Variants in HMBOX1 observed in about 807,000 individuals in gnomAD.
HMBOX1 encodes homeobox-containing protein 1.
In HMBOX1, 14 loss-of-function variants were observed where a neutral mutation model predicts 54.5. The ratio of observed to expected loss-of-function variants is 0.26; its 90% confidence interval spans 0.17 to 0.40. The LOEUF is 0.40. Ranked by LOEUF, HMBOX1 falls within the 10% of genes least tolerant of loss-of-function variation. HMBOX1 has a pLI of 1.00. For synonymous variants in HMBOX1, 160 were observed against 181.0 expected (o/e 0.88, Z 0.93); for missense variants, 332 against 514.4 (o/e 0.65, Z 3.43).
Position 28,995,586 on chromosome 8 carries a change from A to G in HMBOX1, c.587-13486A>G, listed in dbSNP as rs887953568. Among the ~76,000 whole-genome samples, 22 of 152,160 alleles carry G rather than the reference A, an allele frequency of 1.4e-4. 1 individual carries two copies. The highest frequency in any genetic ancestry group is 9.2e-4 in the Admixed American group (14 of 15,276). ...TGAGGAACTGCCAAAACTGTTTTCC[A>G]TTTTATAAAACTACCACCAATGTAT... On this transcript the variant is annotated intron_variant, in intron 4 of 9. Coordinates refer to ENST00000287701, the MANE Select transcript of HMBOX1 (RefSeq NM_001135726.3).
At chr8:29,003,565 T>TATATATATATATATATATATAC (rs1334565050) in intron 4 of HMBOX1, among the ~76,000 whole-genome samples, 1 of 131,644 alleles carries the variant, frequency 7.6e-6, no homozygotes, top group East Asian at 2.5e-4. Context: ...AATATATATA[T>TATATATATATATATATATATAC]ATATATATAT....
chr8:28,902,767 G>T (rs1813474044), intron 1 of HMBOX1, among the ~76,000 whole-genome samples: 1 of 89,928 alleles, frequency 1.1e-5, no homozygotes, highest in South Asian at 3.2e-4. Context: ...AGGCAGTCAT[G>T]CAGGCCTGCC....
Position 28,938,554 on chromosome 8 carries a change from C to T in HMBOX1, c.-57-25257C>T, listed in dbSNP as rs546020776. Among the ~76,000 whole-genome samples the T allele has an allele frequency of 2.6e-5, 4 of 152,164 alleles. No individual in the cohort carries two copies. In the East Asian group the frequency reaches 5.8e-4, roughly 22 times the overall value. ...CCCAAACTCCTGGGCTCAGGTCATC[C>T]TCCAGCTTCAGCCTTAAGAGTAGCT... On this transcript the variant is annotated intron_variant, in intron 1 of 9. Coordinates refer to ENST00000287701, the MANE Select transcript of HMBOX1 (RefSeq NM_001135726.3).
At chr8:29,049,365 G>T in intron 9 of HMBOX1, 1 of 1,533,198 alleles carries the variant, frequency 6.5e-7, no homozygotes, top group Non-Finnish European at 8.7e-7. Flanking sequence ...AGAGAAGGTA[G>T]AAGAAGAGAG....
intron 1 of HMBOX1, chr8:28,891,817 C>T (rs1046966896): frequency 2.0e-5 from 3 of 152,320 alleles, no homozygotes; most frequent in South Asian, 4.1e-4. Flanking sequence ...ATGCAGTTGG[C>T]ATTAAAGATA....
chr8:28,957,819 C>T (rs1240542240), intron 1 of HMBOX1, among the ~76,000 whole-genome samples: 4 of 151,898 alleles, frequency 2.6e-5, no homozygotes, highest in African/African-American at 7.3e-5. Flanking sequence ...GACGAGGTTT[C>T]ACCATGTTGG....
intron 1 of HMBOX1, among the ~76,000 whole-genome samples, chr8:28,906,911 A>G (rs901491059): frequency 6.6e-6 from 1 of 152,172 alleles, no homozygotes; most frequent in Non-Finnish European, 1.5e-5. Context: ...ATGGTTTTTA[A>G]TGGGTTATCA....
At chr8:28,903,162 C>CAG (rs962357002) in intron 1 of HMBOX1, among the ~76,000 whole-genome samples, 9 of 152,058 alleles carry the variant, frequency 5.9e-5, no homozygotes, top group South Asian at 2.1e-4. Flanking sequence ...CACATATACA[C>CAG]AGAGAGAGAG....
Position 28,970,958 on chromosome 8 carries a change from A to G in HMBOX1, c.500+439A>G, listed in dbSNP as rs551303430. 3.2e-4 allele frequency among the ~76,000 whole-genome samples: 48 copies of G among 148,238 alleles called. No homozygotes were observed. Among genetic ancestry groups the G allele is most frequent in the Non-Finnish European group, 5.5e-4 (37 of 67,270 alleles). ...AAATAATTTGGGGTACCTATTATATAGGTTCTAATTTTAGCAATAGATGAC... is the reference window on the plus strand; with the variant it reads ...AAATAATTTGGGGTACCTATTATATGGGTTCTAATTTTAGCAATAGATGAC... On this transcript the variant is annotated intron_variant, in intron 3 of 9. Coordinates refer to ENST00000287701, the MANE Select transcript of HMBOX1 (RefSeq NM_001135726.3). The surrounding 1 kb of genome is among the most constrained non-coding windows in gnomAD (Gnocchi z 4.3).
rs1806418232 is a variant in HMBOX1, at chr8:29,051,470, C to T, written c.*315C>T. 1.4e-6 allele frequency: 1 copy of T among 696,616 alleles called. No homozygotes were observed. The highest frequency in any genetic ancestry group is 2.6e-6 in the Non-Finnish European group (1 of 379,772). The allele number at this position is 696,616 out of a possible 1,614,324, so 43.2% of individuals were successfully genotyped here. ...CCAGGTATTTAGATAGCCCTCAGTT[C>T]TCAAATATTAGACTACGTGTAAAAT... On this transcript the variant is annotated 3_prime_UTR_variant, in exon 10 of 10. Transcript: ENST00000287701.
intron 4 of HMBOX1, among the ~76,000 whole-genome samples, chr8:28,993,341 A>G (rs1000014264): frequency 1.3e-5 from 2 of 152,124 alleles, no homozygotes; most frequent in Non-Finnish European, 2.9e-5. Context: ...TAAAGTTTTG[A>G]CTGTGTAATT....
At chr8:28,949,067 A>AATATTCC (rs1437138488) in intron 1 of HMBOX1, among the ~76,000 whole-genome samples, 1 of 152,210 alleles carries the variant, frequency 6.6e-6, no homozygotes, top group Admixed American at 6.5e-5. Flanking sequence ...TTAACATGAA[A>AATATTCC]ATATTCCCGA....
intron 4 of HMBOX1, among the ~76,000 whole-genome samples, chr8:29,006,680 A>G (rs1251671708): frequency 6.6e-6 from 1 of 152,124 alleles, no homozygotes; most frequent in Non-Finnish European, 1.5e-5. Flanking sequence ...GTTTTGTTAT[A>G]TAAATATACT....
chr8:28,949,078 T>G (rs767342290), intron 1 of HMBOX1, among the ~76,000 whole-genome samples: 9 of 152,256 alleles, frequency 5.9e-5, no homozygotes, highest in Admixed American at 4.6e-4. Flanking sequence ...ATATTCCCGA[T>G]GTATGCCAGT....
intron 4 of HMBOX1, among the ~76,000 whole-genome samples, chr8:28,998,185 G>T (rs1374900183): frequency 6.6e-6 from 1 of 152,014 alleles, no homozygotes; most frequent in Non-Finnish European, 1.5e-5. Context: ...TAATTTGTTG[G>T]CATATAGTTG....
intron 6 of HMBOX1, among the ~76,000 whole-genome samples, chr8:29,024,013 T>C (rs1300460734): frequency 6.6e-6 from 1 of 152,238 alleles, no homozygotes; most frequent in African/African-American, 2.4e-5. Flanking sequence ...CCCAATCATT[T>C]TTCCATAAGG....
intron 1 of HMBOX1, among the ~76,000 whole-genome samples, chr8:28,896,703 G>T (rs181610688): frequency 6.6e-6 from 1 of 151,998 alleles, no homozygotes; most frequent in Non-Finnish European, 1.5e-5. Context: ...GTTTAATACA[G>T]TAACATGCTG....
intron 6 of HMBOX1, among the ~76,000 whole-genome samples, chr8:29,033,193 C>T (rs1192562913): frequency 6.6e-6 from 1 of 152,182 alleles, no homozygotes; most frequent in East Asian, 1.9e-4. Context: ...TCCTTCCTGT[C>T]TCTTCTGATG....
At chr8:28,913,855 CTTTTT>C (rs1304959910) in intron 1 of HMBOX1, among the ~76,000 whole-genome samples, 2 of 101,332 alleles carry the variant, frequency 2.0e-5, no homozygotes, top group Non-Finnish European at 2.0e-5. Flanking sequence ...TCAAGTGATT[CTTTTT>C]TTTTTTTTTT....
Sources: gnomAD v4.1 joint callset for allele counts (sites outside exome capture counted in the v4.1 genomes callset) on GRCh38, gnomAD v4.1.1 for gene constraint, Gnocchi (gnomAD v3.1) non-coding constraint, MANE v1.5 for transcripts, NCBI Gene and HGNC (gene_info 2026-07-23, HGNC 2026-07-21) for gene names.